GFOD1: variants seen among roughly 807,000 people sequenced by gnomAD.
GFOD1 encodes Gfo/Idh/MocA-like oxidoreductase domain containing 1.
GFOD1 carries 9 observed loss-of-function variants against 25.4 expected under a neutral mutation model. The ratio of observed to expected loss-of-function variants is 0.35; its 90% CI spans 0.21 to 0.62. GFOD1 has a LOEUF of 0.62. Ranked by LOEUF, GFOD1 falls within the 20% of genes least tolerant of loss-of-function variation. GFOD1 has a pLI of 0.72. For synonymous variants in GFOD1, 253 were observed against 245.6 expected (o/e 1.03, Z -0.28); for missense variants, 403 against 556.9 (o/e 0.72, Z 2.78).
chr6:13,419,604 C>A (rs1182814770), intron 1 of GFOD1, among the ~76,000 whole-genome samples: 1 of 152,148 alleles, frequency 6.6e-6, no homozygotes, highest in Non-Finnish European at 1.5e-5. Context: ...TGATGTAGAA[C>A]CCCGAGTCAG....
At chr6:13,436,988 C>T (rs1005030258) in intron 1 of GFOD1, among the ~76,000 whole-genome samples, 1 of 152,188 alleles carries the variant, frequency 6.6e-6, no homozygotes, top group South Asian at 2.1e-4. Flanking sequence ...CGGCATCAGC[C>T]TCAGAGGCTC....
chr6:13,458,108 G>T (rs1433605788), intron 1 of GFOD1, among the ~76,000 whole-genome samples: 1 of 151,706 alleles, frequency 6.6e-6, no homozygotes. Context: ...TACAATTTTT[G>T]TTGTTGTTGT....
chr6:13,477,167 G>A (rs1562231443), intron 1 of GFOD1, among the ~76,000 whole-genome samples: 1 of 149,666 alleles, frequency 6.7e-6, no homozygotes, highest in African/African-American at 2.4e-5. Flanking sequence ...CTTGATCCAG[G>A]CAAAATCTGT....
intron 1 of GFOD1, among the ~76,000 whole-genome samples, chr6:13,435,358 A>T (rs2127571067): frequency 6.6e-6 from 1 of 152,144 alleles, no homozygotes; most frequent in Middle Eastern, 3.4e-3. Context: ...TTTCCTATTC[A>T]TACTCTCCTC....
At chr6:13,427,122 A>T (rs959389387) in intron 1 of GFOD1, among the ~76,000 whole-genome samples, 3 of 152,176 alleles carry the variant, frequency 2.0e-5, no homozygotes, top group Non-Finnish European at 2.9e-5. Flanking sequence ...AGAGGATCAC[A>T]ATGCACCTTT....
At chr6:13,480,797 T>A (rs1758733838) in intron 1 of GFOD1, among the ~76,000 whole-genome samples, 1 of 152,306 alleles carries the variant, frequency 6.6e-6, no homozygotes, top group South Asian at 2.1e-4. Flanking sequence ...TGGAATCTGT[T>A]TTTTGATAAG....
At chr6:13,468,462 G>A (rs1441117286) in intron 1 of GFOD1, among the ~76,000 whole-genome samples, 1 of 152,124 alleles carries the variant, frequency 6.6e-6, no homozygotes, top group East Asian at 1.9e-4. Flanking sequence ...TGTGCATGTA[G>A]GTGTTTTCAT....
chr6:13,381,108 GGGT>G (rs1785354247), intron 1 of GFOD1, among the ~76,000 whole-genome samples: 2 of 152,300 alleles, frequency 1.3e-5, no homozygotes, highest in South Asian at 4.1e-4. Context: ...TCACTCCTGG[GGGT>G]GGAGAGCAGT....
Position 13,361,638 on chromosome 6 carries a change from G to A in GFOD1, c.*3105C>T, listed in dbSNP as rs1784948617. The A allele has an allele frequency of 6.6e-6, 1 of 152,196 alleles. No individual in the cohort carries two copies. Among genetic ancestry groups the A allele is most frequent in the African/African-American group, 2.4e-5 (1 of 41,446 alleles). The allele number at this position is 152,196 out of a possible 1,614,324, so 9.4% of individuals were successfully genotyped here. ...GCTACCCCAAATCAAGTCTTTGCAT[G>A]TGGTGGGATAAGGGCAAATGGAGCA... On this transcript the variant is annotated 3_prime_UTR_variant, in exon 2 of 2. Coordinates refer to ENST00000379287, the MANE Select transcript of GFOD1 (RefSeq NM_018988.4).
intron 1 of GFOD1, among the ~76,000 whole-genome samples, chr6:13,377,217 G>A (rs999803612): frequency 1.3e-5 from 2 of 152,140 alleles, no homozygotes; most frequent in Admixed American, 6.6e-5. Context: ...AGTCTCTAGT[G>A]CATTGCTGTC....
At chr6:13,467,508 A>C (rs1412236445) in intron 1 of GFOD1, among the ~76,000 whole-genome samples, 1 of 152,234 alleles carries the variant, frequency 6.6e-6, no homozygotes, top group Non-Finnish European at 1.5e-5. Context: ...AGGGTTCTAA[A>C]ACTGCTAACC....
chr6:13,478,923 G>T (rs1312377658), intron 1 of GFOD1, among the ~76,000 whole-genome samples: 1 of 152,128 alleles, frequency 6.6e-6, no homozygotes, highest in African/African-American at 2.4e-5. Flanking sequence ...CACTGCAAGG[G>T]ATAGTAAATC....
At chr6:13,462,806 C>T (rs1021757770) in intron 1 of GFOD1, among the ~76,000 whole-genome samples, 2 of 152,206 alleles carry the variant, frequency 1.3e-5, no homozygotes, top group Non-Finnish European at 2.9e-5. Flanking sequence ...ACAAACTAAA[C>T]CCAACCCGAT....
At chr6:13,451,483 C>T (rs1237913965) in intron 1 of GFOD1, among the ~76,000 whole-genome samples, 1 of 152,212 alleles carries the variant, frequency 6.6e-6, no homozygotes, top group Non-Finnish European at 1.5e-5. Context: ...GGCCAGTCCA[C>T]TCTGATCAAC....
intron 1 of GFOD1, among the ~76,000 whole-genome samples, chr6:13,454,135 C>CAG (rs1758147282): frequency 6.6e-6 from 1 of 151,902 alleles, no homozygotes; most frequent in Non-Finnish European, 1.5e-5. Context: ...CGAGGTGATG[C>CAG]ATCCTCAGGC....
chr6:13,486,500 TG>T, intron 1 of GFOD1, 137 bp downstream of exon 1: 1 of 731,886 alleles, frequency 1.4e-6, no homozygotes, highest in Non-Finnish European at 2.2e-6. Context: ...GAGTCGGATC[TG>T]GGATCTCAGA....
At chr6:13,367,855 G>T (rs1005264570) in intron 1 of GFOD1, among the ~76,000 whole-genome samples, 2 of 151,974 alleles carry the variant, frequency 1.3e-5, no homozygotes, top group Non-Finnish European at 2.9e-5. Context: ...CCTGTCCTGG[G>T]GCAGGTCTCT....
intron 1 of GFOD1, among the ~76,000 whole-genome samples, chr6:13,368,770 C>T (rs1055929155): frequency 3.9e-5 from 6 of 152,036 alleles, no homozygotes; most frequent in Admixed American, 6.5e-5. Flanking sequence ...GATCCACACC[C>T]CTTCCCTACA....
At chr6:13,423,057 C>T (rs1023139506) in intron 1 of GFOD1, among the ~76,000 whole-genome samples, 2 of 152,098 alleles carry the variant, frequency 1.3e-5, no homozygotes, top group African/African-American at 2.4e-5. Context: ...ACTGCATGTC[C>T]GACGGTGGCA....
Sources: allele counts gnomAD v4.1 joint callset (sites outside exome capture counted in the v4.1 genomes callset), GRCh38; gene constraint gnomAD v4.1.1; transcripts MANE v1.5; gene names NCBI Gene and HGNC (gene_info 2026-07-23, HGNC 2026-07-21).